Variants in PNPLA1 observed in about 807,000 individuals in gnomAD.
PNPLA1 encodes patatin like domain 1, omega-hydroxyceramide transacylase, also known as omega-hydroxyceramide transacylase.
PNPLA1 carries 36 observed loss-of-function variants against 51.7 expected under a neutral mutation model. The observed-to-expected ratio is 0.70, with a 90% confidence interval of 0.53 to 0.92. The LOEUF (loss-of-function observed/expected upper bound fraction) is 0.92. Among genes scored for constraint, PNPLA1 ranks in the 40% least tolerant of loss-of-function variants. PNPLA1 has a pLI of 0.00. For missense variants in PNPLA1, 658 were observed against 682.5 expected (o/e 0.96, Z 0.40); for synonymous variants, 293 against 280.1 (o/e 1.05, Z -0.46).
chr6:36,258,417 T>A (rs1468987783), intron 1 of PNPLA1, among the ~76,000 whole-genome samples: 1 of 152,150 alleles, frequency 6.6e-6, no homozygotes, highest in Admixed American at 6.5e-5. Context: ...CTACAAAAAA[T>A]TTTTTAAAAA....
At chr6:36,300,814 A>G (rs1771019018) in intron 5 of PNPLA1, among the ~76,000 whole-genome samples, 1 of 152,190 alleles carries the variant, frequency 6.6e-6, no homozygotes, top group Admixed American at 6.5e-5. Flanking sequence ...GTGAGAAGTT[A>G]TGCTCCACTT....
At chr6:36,301,048 A>T (rs1242259986) in intron 5 of PNPLA1, among the ~76,000 whole-genome samples, 1 of 152,136 alleles carries the variant, frequency 6.6e-6, no homozygotes, top group South Asian at 2.1e-4. Context: ...CACACATTTT[A>T]AAAACTGAAT....
intron 1 of PNPLA1, among the ~76,000 whole-genome samples, chr6:36,257,702 G>A (rs1228558338): frequency 6.6e-6 from 1 of 152,116 alleles, no homozygotes; most frequent in Non-Finnish European, 1.5e-5. Context: ...TATAATAGCT[G>A]CTTTAAAATT....
chr6:36,294,518 T>A lies in PNPLA1; in HGVS notation c.714+119T>A. 1.1e-6 allele frequency: 1 copy of A among 926,902 alleles called. No homozygotes were observed. 57.4% of individuals were successfully genotyped at this position (926,902 alleles called of 1,614,324 possible). On this transcript the variant is annotated intron_variant, in intron 4 of 8. Coordinates refer to ENST00000636260, the MANE Select transcript of PNPLA1 (RefSeq NM_001374623.1). This position sits in a 1 kb window ranked among gnomAD's most constrained non-coding sequence, Gnocchi z 4.2. ...AGTCTCCTCCCCTCAAATGGTCCTT[T>A]AAACTTCCTCCTAGACCTGCATCCT...
chr6:36,286,630 A>C (rs1770496598), intron 1 of PNPLA1, among the ~76,000 whole-genome samples: 1 of 152,136 alleles, frequency 6.6e-6, no homozygotes. Context: ...TGAAACTTGG[A>C]AACATAGCTT....
upstream of PNPLA1, among the ~76,000 whole-genome samples, chr6:36,267,548 G>C (rs1271506896): frequency 2.0e-5 from 3 of 152,192 alleles, no homozygotes; most frequent in Non-Finnish European, 4.4e-5. Flanking sequence ...GGGGACAACG[G>C]GGGCCATGTC....
intron 1 of PNPLA1, among the ~76,000 whole-genome samples, chr6:36,285,596 G>C (rs1329198568): frequency 6.6e-6 from 1 of 152,054 alleles, no homozygotes; most frequent in Non-Finnish European, 1.5e-5. Context: ...CTAGACCTCA[G>C]TATCCCGCTT....
chr6:36,280,461 A>G (rs1250094999), intron 1 of PNPLA1, among the ~76,000 whole-genome samples: 1 of 152,200 alleles, frequency 6.6e-6, no homozygotes, highest in Admixed American at 6.5e-5. Flanking sequence ...AACCATATGC[A>G]ATACAGATTT....
intron 1 of PNPLA1, among the ~76,000 whole-genome samples, chr6:36,282,083 A>AGG (rs1330117883): frequency 2.2e-5 from 3 of 137,864 alleles, no homozygotes; most frequent in East Asian, 4.1e-4. Context: ...GAAAGAAAGA[A>AGG]AGAAAGAAGG....
At chr6:36,293,580 C>T (rs967423620) in intron 3 of PNPLA1, among the ~76,000 whole-genome samples, 3 of 152,220 alleles carry the variant, frequency 2.0e-5, no homozygotes, top group Non-Finnish European at 2.9e-5. Context: ...TGAGGGTCTG[C>T]GCCCCTAACC....
intron 1 of PNPLA1, among the ~76,000 whole-genome samples, chr6:36,262,231 C>T (rs1021688917): frequency 2.0e-5 from 3 of 151,808 alleles, no homozygotes; most frequent in Admixed American, 1.3e-4. Context: ...TTCCCCTGTC[C>T]CCCACCTCGT....
chr6:36,311,534 T>C (rs1771408759), intron 8 of PNPLA1, among the ~76,000 whole-genome samples: 1 of 152,144 alleles, frequency 6.6e-6, no homozygotes, highest in Admixed American at 6.5e-5. Flanking sequence ...AGCAACAGAA[T>C]GATAGATTTG....
Position 36,294,547 on chromosome 6 carries a change from C to T in PNPLA1, c.714+148C>T, listed in dbSNP as rs1770799870. 1 of 710,274 alleles carries T rather than the reference C, an allele frequency of 1.4e-6. No homozygotes were observed. Among genetic ancestry groups the T allele is most frequent in the Non-Finnish European group, 2.3e-6 (1 of 431,432 alleles). The allele number at this position is 710,274 out of a possible 1,614,324, so 44.0% of individuals were successfully genotyped here. A position where few individuals can be genotyped will look rare whatever the true frequency, so the allele number is the denominator to read the frequency against. ...CTTCCTCCTAGACCTGCATCCTGGC[C>T]TTGCTGCTAACTAGCTATGTGACCT... is the stretch of plus-strand genomic sequence containing the variant. On this transcript the variant is annotated intron_variant, in intron 4 of 8. Transcript: ENST00000636260. This position sits in a 1 kb window ranked among gnomAD's most constrained non-coding sequence, Gnocchi z 4.2.
In PNPLA1 at chr6:36,263,716, C is replaced by T. The variant is rs146456864; in HGVS notation, c.-81+20455C>T. Among the ~76,000 whole-genome samples, 1,326 of 152,116 alleles carry T rather than the reference C, an allele frequency of 8.7e-3. 17 individuals carry two copies. Among genetic ancestry groups the T allele is most frequent in the African/African-American group, 0.028 (1,143 of 41,492 alleles). ...GGCCTCACTGATGGGGGCAAGGCTG[C>T]CCCTCCCAGGGCTACCCCATTCTTA... On this transcript the variant is annotated intron_variant, in intron 1 of 7. Transcript: ENST00000312917.
At chr6:36,284,233 A>C (rs969938686) in intron 1 of PNPLA1, among the ~76,000 whole-genome samples, 1 of 152,268 alleles carries the variant, frequency 6.6e-6, no homozygotes, top group East Asian at 1.9e-4. Flanking sequence ...TGTTTCCATG[A>C]CAATCGGATA....
At chr6:36,271,111 G>T (rs1769904663) in intron 1 of PNPLA1, among the ~76,000 whole-genome samples, 2 of 152,154 alleles carry the variant, frequency 1.3e-5, no homozygotes, top group Non-Finnish European at 2.9e-5. Flanking sequence ...TGATGGGGAC[G>T]TATTGTCCAC....
rs139173161 is a variant in PNPLA1 at position 36,295,393 on chromosome 6, C to T, written c.744C>T (p.Tyr248=). Reference sequence around the variant, plus strand: ...TGCACGATTACTACTACCGAGGGTACGAGGATGCAGTTTTGTACTTGAGGC... The same window carrying T: ...TGCACGATTACTACTACCGAGGGTATGAGGATGCAGTTTTGTACTTGAGGC... ...VILHDYYYRG[Y]EDAVLYLRRL... The change falls in exon 5 of 9, where the codon TAC becomes TAT. Residue 248 remains tyrosine, a synonymous_variant. Coordinates refer to ENST00000636260, the MANE Select transcript of PNPLA1 (RefSeq NM_001374623.1). The T allele has an allele frequency of 2.1e-5, 34 of 1,614,026 alleles. No individual in the cohort carries two copies. Among genetic ancestry groups the T allele is most frequent in the Non-Finnish European group, 2.7e-5 (32 of 1,180,040 alleles).
chr6:36,298,393 T>A (rs911707271), intron 5 of PNPLA1, among the ~76,000 whole-genome samples: 1 of 151,954 alleles, frequency 6.6e-6, no homozygotes, highest in Non-Finnish European at 1.5e-5. Context: ...GGTACATTCA[T>A]GTTTAACATA....
upstream of PNPLA1, among the ~76,000 whole-genome samples, chr6:36,267,132 T>G (rs767702718): frequency 5.9e-5 from 9 of 152,220 alleles, no homozygotes; most frequent in Non-Finnish European, 1.3e-4. Context: ...CAAGCAGTGT[T>G]AACTTAGTTA....
Sources: allele counts gnomAD v4.1 joint callset (sites outside exome capture counted in the v4.1 genomes callset), GRCh38; gene constraint gnomAD v4.1.1; non-coding constraint Gnocchi (gnomAD v3.1); transcripts MANE v1.5; gene names NCBI Gene and HGNC (gene_info 2026-07-23, HGNC 2026-07-21).